KCTD8: variants seen among roughly 807,000 people sequenced by gnomAD.
KCTD8 encodes the protein BTB/POZ domain-containing protein KCTD8.
In KCTD8, 27 loss-of-function variants were observed where a neutral mutation model predicts 31.5. The observed-to-expected ratio is 0.86, with a 90% CI of 0.63 to 1.18. KCTD8 has a LOEUF of 1.18. KCTD8 is among the 50% of genes most tolerant of loss of function. The pLI is 0.00. For synonymous variants in KCTD8, 290 were observed against 280.0 expected (o/e 1.04, Z -0.36); for missense variants, 658 against 647.7 (o/e 1.02, Z -0.17).
intron 1 of KCTD8, among the ~76,000 whole-genome samples, chr4:44,221,261 T>G (rs1282508279): frequency 6.6e-6 from 1 of 152,078 alleles, no homozygotes; most frequent in African/African-American, 2.4e-5. Context: ...GCAGGAGGAA[T>G]GATGGGGCTA....
At chr4:44,383,114 GA>G (rs1448553118) in intron 1 of KCTD8, among the ~76,000 whole-genome samples, 1 of 150,482 alleles carries the variant, frequency 6.6e-6, no homozygotes, top group African/African-American at 2.4e-5. Context: ...TTAAACCAAG[GA>G]GATAAAAGAT....
At chr4:44,230,190 C>A (rs960395119) in intron 1 of KCTD8, among the ~76,000 whole-genome samples, 5 of 152,112 alleles carry the variant, frequency 3.3e-5, no homozygotes, top group African/African-American at 1.2e-4. Flanking sequence ...ATACTTTCCA[C>A]CAGTAATGCA....
At chr4:44,327,572 C>T (rs17599591) in intron 1 of KCTD8, among the ~76,000 whole-genome samples, 10 of 151,466 alleles carry the variant, frequency 6.6e-5, no homozygotes, top group Non-Finnish European at 1.3e-4. Flanking sequence ...AGGAAGAACA[C>T]CGAAGTCTGA....
At chr4:44,325,047 T>A (rs971101801) in intron 1 of KCTD8, among the ~76,000 whole-genome samples, 2 of 152,118 alleles carry the variant, frequency 1.3e-5, no homozygotes, top group Non-Finnish European at 2.9e-5. Context: ...GGAAAGATAA[T>A]CTTCTTTCAG....
At chr4:44,385,154 T>C (rs1278372181) in intron 1 of KCTD8, among the ~76,000 whole-genome samples, 1 of 151,688 alleles carries the variant, frequency 6.6e-6, no homozygotes, top group East Asian at 1.9e-4. Context: ...AAGTGTTAGG[T>C]AGACACTTTA....
At chr4:44,208,264 C>T (rs1714376243) in intron 1 of KCTD8, among the ~76,000 whole-genome samples, 1 of 152,138 alleles carries the variant, frequency 6.6e-6, no homozygotes, top group Non-Finnish European at 1.5e-5. Context: ...ATTTTTAAAA[C>T]AGTTTTACTG....
At chr4:44,447,417 G>A in intron 1 of KCTD8, 146 bp downstream of exon 1, 1 of 1,271,254 alleles carries the variant, frequency 7.9e-7, no homozygotes, top group Non-Finnish European at 1.0e-6. Context: ...ACTGCATAAG[G>A]GAATCGTGCA....
chr4:44,212,279 T>C (rs1411504420), intron 1 of KCTD8, among the ~76,000 whole-genome samples: 3 of 152,230 alleles, frequency 2.0e-5, no homozygotes, highest in African/African-American at 7.2e-5. Flanking sequence ...GATACTCTAC[T>C]CTAATTATTC....
intron 1 of KCTD8, among the ~76,000 whole-genome samples, chr4:44,406,301 T>A (rs1025555487): frequency 2.0e-5 from 3 of 152,074 alleles, no homozygotes; most frequent in African/African-American, 7.2e-5. Flanking sequence ...AAAACATGAC[T>A]CTTCTCTTTT....
intron 1 of KCTD8, among the ~76,000 whole-genome samples, chr4:44,432,026 C>G (rs995185610): frequency 1.3e-5 from 2 of 151,468 alleles, no homozygotes; most frequent in African/African-American, 4.8e-5. Flanking sequence ...TTCCTTTCCC[C>G]CTATATCTAA....
At chr4:44,220,555 C>T (rs1253485682) in intron 1 of KCTD8, among the ~76,000 whole-genome samples, 5 of 152,144 alleles carry the variant, frequency 3.3e-5, no homozygotes, top group South Asian at 2.1e-4. Context: ...CTGCAATCCA[C>T]TAAGGAGCAT....
At chr4:44,269,637 C>G (rs1038782532) in intron 1 of KCTD8, among the ~76,000 whole-genome samples, 1 of 152,108 alleles carries the variant, frequency 6.6e-6, no homozygotes, top group Non-Finnish European at 1.5e-5. Context: ...TCGCAACCTA[C>G]TCATCTGAAA....
At chr4:44,246,581 C>T (rs1329655685) in intron 1 of KCTD8, among the ~76,000 whole-genome samples, 1 of 151,902 alleles carries the variant, frequency 6.6e-6, no homozygotes, top group Non-Finnish European at 1.5e-5. Flanking sequence ...TTCTTTGGCT[C>T]GGATTCACTT....
intron 1 of KCTD8, among the ~76,000 whole-genome samples, chr4:44,383,829 T>C (rs1459283112): frequency 3.9e-5 from 6 of 151,920 alleles, no homozygotes; most frequent in Non-Finnish European, 1.5e-5. Context: ...GACAAAGTTA[T>C]ATCAAACTAA....
intron 1 of KCTD8, among the ~76,000 whole-genome samples, chr4:44,259,894 T>C (rs988447177): frequency 6.6e-6 from 1 of 151,932 alleles, no homozygotes; most frequent in African/African-American, 2.4e-5. Context: ...TCCTTAAATA[T>C]GTACTCCAAT....
At chr4:44,380,939 A>C (rs1181542695) in intron 1 of KCTD8, among the ~76,000 whole-genome samples, 1 of 152,026 alleles carries the variant, frequency 6.6e-6, no homozygotes, top group Non-Finnish European at 1.5e-5. Flanking sequence ...TAGAATTATG[A>C]AGTCATGTAA....
At chr4:44,266,117 GA>G in intron 1 of KCTD8, among the ~76,000 whole-genome samples, 1 of 152,000 alleles carries the variant, frequency 6.6e-6, no homozygotes, top group Middle Eastern at 3.2e-3. Flanking sequence ...TGAAATGAAG[GA>G]AAAAATGTTA....
At chr4:44,445,811 T>A (rs1041372296) in intron 1 of KCTD8, among the ~76,000 whole-genome samples, 1 of 152,190 alleles carries the variant, frequency 6.6e-6, no homozygotes, top group Non-Finnish European at 1.5e-5. Flanking sequence ...GAAATCTACA[T>A]TGAAATGACT....
intron 1 of KCTD8, among the ~76,000 whole-genome samples, chr4:44,194,762 TCCCTCCCA>T (rs1349012674): frequency 1.1e-4 from 2 of 17,400 alleles, no homozygotes; most frequent in African/African-American, 5.5e-4. Context: ...CCTCCCTCCC[TCCCTCCCA>T]CCCTCCCCCC....
Sources: allele counts gnomAD v4.1 joint callset (sites outside exome capture counted in the v4.1 genomes callset), GRCh38; gene constraint gnomAD v4.1.1; transcripts MANE v1.5; gene names NCBI Gene and HGNC (gene_info 2026-07-23, HGNC 2026-07-21).